UBR3: variants seen among roughly 807,000 people sequenced by gnomAD.
The protein encoded by UBR3 is ubiquitin protein ligase E3 component n-recognin 3, also known as E3 ubiquitin-protein ligase UBR3.
UBR3 carries 85 observed loss-of-function variants against 243.2 expected under a neutral mutation model. The ratio of observed to expected loss-of-function variants is 0.35; its 90% CI spans 0.29 to 0.42. The LOEUF is 0.42. UBR3 is among the 10% of genes least tolerant of loss of function. The pLI, the probability that UBR3 is intolerant of heterozygous loss-of-function variation, is 1.00. For synonymous variants in UBR3, 748 were observed against 799.8 expected, an observed-to-expected ratio of 0.94 and a Z score of 1.09; for missense variants, 1,686 against 2,300.8, an observed-to-expected ratio of 0.73 and a Z score of 5.47.
chr2:169,888,157 T>A (rs201165134), intron 5 of UBR3, among the ~76,000 whole-genome samples: 1 of 101,750 alleles, frequency 9.8e-6, no homozygotes, highest in East Asian at 3.1e-4. Flanking sequence ...TTATTTATTT[T>A]TGAGATGGAG....
At chr2:169,991,350 A>G (rs989584866) in intron 25 of UBR3, among the ~76,000 whole-genome samples, 1 of 152,210 alleles carries the variant, frequency 6.6e-6, no homozygotes, top group African/African-American at 2.4e-5. Flanking sequence ...AGACTTATAT[A>G]GAACACTCCA....
intron 23 of UBR3, among the ~76,000 whole-genome samples, chr2:169,957,617 C>T (rs929100147): frequency 1.3e-5 from 2 of 151,226 alleles, no homozygotes; most frequent in Non-Finnish European, 2.9e-5. Flanking sequence ...ATGTAAATGA[C>T]GAGTTAATGG....
chr2:169,868,629 C>T (rs951896978), intron 1 of UBR3, among the ~76,000 whole-genome samples: 1 of 152,114 alleles, frequency 6.6e-6, no homozygotes, highest in African/African-American at 2.4e-5. Context: ...TGGGAATTCA[C>T]TTTTAGTGAT....
chr2:169,876,558 A>G (rs1574099384), intron 3 of UBR3, among the ~76,000 whole-genome samples: 1 of 150,138 alleles, frequency 6.7e-6, no homozygotes, highest in African/African-American at 2.5e-5. Context: ...ATTGTATTGT[A>G]TTGTATTGTA....
chr2:169,931,635 A>G (rs189184041), intron 18 of UBR3, among the ~76,000 whole-genome samples: 58 of 152,184 alleles, frequency 3.8e-4, no homozygotes, highest in African/African-American at 1.2e-3. Flanking sequence ...TATTAAGGAG[A>G]TACTCTTAAG....
chr2:169,842,522 T>C (rs944620999), intron 1 of UBR3, among the ~76,000 whole-genome samples: 1 of 152,146 alleles, frequency 6.6e-6, no homozygotes, highest in African/African-American at 2.4e-5. Flanking sequence ...TACTGCTCAC[T>C]CTTTGGGTCC....
intron 1 of UBR3, among the ~76,000 whole-genome samples, chr2:169,863,130 C>T (rs1286605580): frequency 1.3e-5 from 2 of 152,184 alleles, no homozygotes; most frequent in Non-Finnish European, 2.9e-5. Flanking sequence ...ATATCAGTAA[C>T]TTGCAAATAG....
chr2:169,908,821 C>CT (rs11388865), intron 10 of UBR3, among the ~76,000 whole-genome samples: 3,231 of 124,010 alleles, frequency 0.026, 141 homozygotes, highest in African/African-American at 0.076. Flanking sequence ...GTGATTGGTC[C>CT]TTTTTTTTTT....
At chr2:169,959,399 T>C (rs954462038) in intron 24 of UBR3, among the ~76,000 whole-genome samples, 1 of 151,746 alleles carries the variant, frequency 6.6e-6, no homozygotes, top group Non-Finnish European at 1.5e-5. Context: ...GTACCAAAAT[T>C]CAAAACTTTC....
At chr2:169,885,934 C>T (rs1362813480) in intron 5 of UBR3, among the ~76,000 whole-genome samples, 1 of 151,900 alleles carries the variant, frequency 6.6e-6, no homozygotes, top group Admixed American at 6.6e-5. Flanking sequence ...CCGAGGTGGG[C>T]GATCCCTAGG....
At chr2:169,895,748 G>C (rs1457451930) in intron 7 of UBR3, among the ~76,000 whole-genome samples, 1 of 152,192 alleles carries the variant, frequency 6.6e-6, no homozygotes, top group Non-Finnish European at 1.5e-5. Flanking sequence ...AACTGCTAAA[G>C]AGAGAACAGT....
Position 169,828,021 on chromosome 2 carries a change from T to C in UBR3, c.514T>C (p.Cys172Arg). 1 of 1,402,694 alleles carries C rather than the reference T, an allele frequency of 7.1e-7. No homozygotes were observed. Among genetic ancestry groups the C allele is most frequent in the East Asian group, 3.0e-5 (1 of 33,270 alleles). The allele number at this position is 1,402,694 out of a possible 1,614,324, so 86.9% of individuals were successfully genotyped here. The stretch of plus-strand genomic sequence containing the variant: ...CAGCCAGGCCGGGGGCGCCTGCGAC[T>C]GCGGGGACAGCAACGTGATGCGGGA... Reference protein sequence around the residue: ...FRSQAGGACDCGDSNVMRESG... With the variant: ...FRSQAGGACDRGDSNVMRESG... The change falls in exon 1 of 39, where the codon TGC becomes CGC. Residue 172 changes from cysteine (C) to arginine (R), a missense_variant. Transcript: ENST00000272793.
chr2:169,913,319 T>G (rs531713037), intron 10 of UBR3, among the ~76,000 whole-genome samples: 3 of 151,976 alleles, frequency 2.0e-5, no homozygotes, highest in African/African-American at 7.2e-5. Context: ...GAAATGTCTT[T>G]TTAAATCCTT....
chr2:169,950,855 G>A (rs1394078905), intron 23 of UBR3, among the ~76,000 whole-genome samples: 1 of 150,546 alleles, frequency 6.6e-6, no homozygotes, highest in East Asian at 1.9e-4. Flanking sequence ...CTGCATAATT[G>A]TCAAACTCTT....
chr2:169,926,150 T>C (rs1227045114), intron 14 of UBR3, among the ~76,000 whole-genome samples: 1 of 152,214 alleles, frequency 6.6e-6, no homozygotes, highest in Non-Finnish European at 1.5e-5. Flanking sequence ...GAGAGTTAGA[T>C]AAAGACAGTG....
intron 1 of UBR3, among the ~76,000 whole-genome samples, chr2:169,861,061 G>C (rs1222915183): frequency 2.0e-5 from 3 of 152,202 alleles, no homozygotes; most frequent in Admixed American, 6.5e-5. Flanking sequence ...GACTCAGCAA[G>C]TCTGGTCTTA....
At chr2:169,847,917 TC>T (rs1266031158) in intron 1 of UBR3, among the ~76,000 whole-genome samples, 1 of 120,506 alleles carries the variant, frequency 8.3e-6, no homozygotes, top group East Asian at 2.5e-4. Context: ...TCAGGAGCAC[TC>T]TGTGTAGATT....
intron 24 of UBR3, among the ~76,000 whole-genome samples, chr2:169,977,152 G>A (rs1212787877): frequency 2.6e-5 from 4 of 151,772 alleles, no homozygotes; most frequent in African/African-American, 7.3e-5. Context: ...TTATATATCT[G>A]TATTTTCTTG....
intron 30 of UBR3, among the ~76,000 whole-genome samples, chr2:170,023,789 C>A (rs1028221021): frequency 1.3e-5 from 2 of 152,096 alleles, no homozygotes; most frequent in African/African-American, 4.8e-5. Context: ...GATGGGGTTT[C>A]ACCGTCTTGA....
Sources: gnomAD v4.1 joint callset for allele counts (sites outside exome capture counted in the v4.1 genomes callset) on GRCh38, gnomAD v4.1.1 for gene constraint, MANE v1.5 for transcripts, NCBI Gene and HGNC (gene_info 2026-07-23, HGNC 2026-07-21) for gene names.